EML1: variants seen among roughly 807,000 people sequenced by gnomAD.
The protein encoded by EML1 is EMAP like 1, also known as echinoderm microtubule-associated protein-like 1.
A neutral mutation model predicts 110.4 loss-of-function variants in EML1; 27 were observed. The ratio of observed to expected loss-of-function variants is 0.24; its 90% CI spans 0.18 to 0.34. EML1 has a LOEUF of 0.34. Among genes scored for constraint, EML1 ranks in the 10% least tolerant of loss-of-function variants. EML1 has a pLI of 1.00. For synonymous variants in EML1, 344 were observed against 385.8 expected (o/e 0.89, Z 1.27); for missense variants, 741 against 1,030.9 (o/e 0.72, Z 3.85).
intron 1 of EML1, among the ~76,000 whole-genome samples, chr14:99,796,936 T>A (rs11629165): frequency 0.024 from 3,648 of 150,036 alleles, 87 homozygotes; most frequent in African/African-American, 0.067. Context: ...TGTGTGTGTG[T>A]GAGAGAGTAA....
intron 17 of EML1, among the ~76,000 whole-genome samples, chr14:99,931,976 G>A (rs2060378018): frequency 2.0e-5 from 3 of 152,172 alleles, no homozygotes; most frequent in African/African-American, 7.2e-5. Context: ...CTCTGAGGAA[G>A]GGAACGTTTC....
intron 1 of EML1, among the ~76,000 whole-genome samples, chr14:99,806,394 G>A (rs569543705): frequency 9.7e-4 from 132 of 135,882 alleles, no homozygotes; most frequent in African/African-American, 3.5e-3. Context: ...TCGGCTCACC[G>A]CAACCTCTGC....
At chr14:99,803,081 A>T (rs1484571425) in intron 1 of EML1, among the ~76,000 whole-genome samples, 2 of 152,012 alleles carry the variant, frequency 1.3e-5, no homozygotes, top group Non-Finnish European at 2.9e-5. Flanking sequence ...CTCCCATTAG[A>T]TATAAGCTCC....
rs190059439 is a variant in EML1, at chr14:99,880,633, A to G, written c.518+2014A>G. 1.1e-4 allele frequency among the ~76,000 whole-genome samples: 17 copies of G among 152,340 alleles called. No individual in the cohort carries two copies. In the East Asian group the frequency reaches 3.3e-3, roughly 29 times the overall value. ...CACTCGACATGTCCATTGTTCCTGC[A>G]GGCTGTCCTGTGATTTAAAAAATTG... On this transcript the variant is annotated intron_variant, in intron 4 of 21. Coordinates refer to ENST00000262233, the MANE Select transcript of EML1 (RefSeq NM_004434.3).
chr14:99,789,024 T>C (rs1317025666), upstream of EML1, among the ~76,000 whole-genome samples: 1 of 152,134 alleles, frequency 6.6e-6, no homozygotes, highest in Non-Finnish European at 1.5e-5. Flanking sequence ...GATTCCACCC[T>C]ATGGATGGAC....
intron 17 of EML1, 128 bp from the exon 18 acceptor site, chr14:99,935,901 T>G: frequency 1.2e-6 from 1 of 865,356 alleles, no homozygotes; most frequent in Non-Finnish European, 1.8e-6. Context: ...AAGCAGATTT[T>G]TCTCTTGGAA....
At chr14:99,908,378 G>C (rs1311557992) in intron 10 of EML1, among the ~76,000 whole-genome samples, 1 of 152,124 alleles carries the variant, frequency 6.6e-6, no homozygotes, top group Admixed American at 6.5e-5. Context: ...TTATAGACTC[G>C]AATTCAGATT....
At chr14:99,792,738 G>A (rs1490156157), upstream of EML1, 1 of 152,312 alleles carries the variant, frequency 6.6e-6, no homozygotes, top group East Asian at 1.9e-4. Context: ...CTGGTACCAG[G>A]ATAGCCTCTC....
chr14:99,776,626 T>C (rs187591283), intron 1 of EML1, among the ~76,000 whole-genome samples: 4 of 152,304 alleles, frequency 2.6e-5, no homozygotes, highest in Admixed American at 2.6e-4. Context: ...TCAGTAAAAG[T>C]GCACAAAATA....
chr14:99,789,489 G>A (rs1275761948), upstream of EML1, among the ~76,000 whole-genome samples: 2 of 152,190 alleles, frequency 1.3e-5, no homozygotes, highest in African/African-American at 2.4e-5. Flanking sequence ...GATTACAGGC[G>A]TAAGCCACCA....
At chr14:99,884,071 G>A (rs2059433403) in intron 4 of EML1, among the ~76,000 whole-genome samples, 2 of 152,208 alleles carry the variant, frequency 1.3e-5, no homozygotes, top group Non-Finnish European at 2.9e-5. Flanking sequence ...TTCCTCAGTA[G>A]CAGTAAAAGT....
chr14:99,752,248 G>A (rs1486727416), intron 1 of EML1, among the ~76,000 whole-genome samples: 1 of 152,042 alleles, frequency 6.6e-6, no homozygotes, highest in Admixed American at 6.5e-5. Context: ...GAGGACACTC[G>A]AAATTCCAAG....
intron 20 of EML1, among the ~76,000 whole-genome samples, chr14:99,938,955 C>T (rs1195505259): frequency 6.6e-6 from 1 of 152,228 alleles, no homozygotes; most frequent in African/African-American, 2.4e-5. Flanking sequence ...GCCCGGAAAG[C>T]TTGTCTTTGC....
chr14:99,907,680 C>T lies in EML1; in HGVS notation c.1051C>T (p.His351Tyr). The change falls in exon 10 of 22, where the codon CAT (histidine) becomes TAT (tyrosine). Residue 351 changes from histidine to tyrosine, a missense_variant. This residue lies in a region of EML1 where 388 missense variants were observed against 605.6 expected (regional missense o/e 0.64). Coordinates refer to ENST00000262233, the MANE Select transcript of EML1 (RefSeq NM_004434.3). ...NLCAVDDSND[H>Y]VLSVWDWQKE... is the part of the protein sequence containing the mutation. The stretch of plus-strand genomic sequence containing the variant: ...CTGTGCTGTGGATGACTCCAACGAC[C>T]ATGTGCTCTCTGTATGGGACTGGCA... 1.9e-6 allele frequency: 3 copies of T among 1,614,170 alleles called. No individual in the cohort carries two copies. The highest frequency in any genetic ancestry group is 2.5e-6 in the Non-Finnish European group (3 of 1,180,030).
intron 1 of EML1, among the ~76,000 whole-genome samples, chr14:99,845,911 T>A (rs977290715): frequency 6.6e-6 from 1 of 151,286 alleles, no homozygotes; most frequent in African/African-American, 2.4e-5. Flanking sequence ...TTAGCCGGCG[T>A]TGGTGGCAGG....
chr14:99,767,036 C>T (rs557087479), intron 1 of EML1, among the ~76,000 whole-genome samples: 2 of 152,274 alleles, frequency 1.3e-5, no homozygotes, highest in Non-Finnish European at 2.9e-5. Context: ...ATTCCCCCAC[C>T]GCATAATATT....
intron 1 of EML1, among the ~76,000 whole-genome samples, chr14:99,804,127 G>A (rs2057930436): frequency 6.6e-6 from 1 of 152,214 alleles, no homozygotes; most frequent in African/African-American, 2.4e-5. Flanking sequence ...GGCTTGGTGT[G>A]TCATTTCTTT....
intron 1 of EML1, among the ~76,000 whole-genome samples, chr14:99,846,931 C>T (rs1159707736): frequency 6.6e-6 from 1 of 152,156 alleles, no homozygotes; most frequent in African/African-American, 2.4e-5. Flanking sequence ...CTTTATGGAG[C>T]TTACATTTTG....
At chr14:99,916,206 C>T (rs980857848) in intron 15 of EML1, among the ~76,000 whole-genome samples, 1 of 152,198 alleles carries the variant, frequency 6.6e-6, no homozygotes, top group Non-Finnish European at 1.5e-5. Context: ...GCCTACTGGC[C>T]TTGTGACCTT....
Sources: allele counts gnomAD v4.1 joint callset (sites outside exome capture counted in the v4.1 genomes callset), GRCh38; gene constraint gnomAD v4.1.1; regional missense constraint gnomAD v4.1.1; transcripts MANE v1.5; gene names NCBI Gene and HGNC (gene_info 2026-07-23, HGNC 2026-07-21).